CSMD1: variants seen among roughly 807,000 people sequenced by gnomAD.
CSMD1 encodes the protein CUB and sushi domain-containing protein 1.
CSMD1 carries 213 observed loss-of-function variants against 417.5 expected under a neutral mutation model. That is an observed-to-expected ratio of 0.51 (90% CI 0.46 to 0.57). The LOEUF (loss-of-function observed/expected upper bound fraction) is 0.57. CSMD1 is among the 20% of genes least tolerant of loss of function. The pLI is 0.00. For missense variants in CSMD1, 6,923 were observed against 4,529.7 expected (o/e 1.53, Z -15.17); for synonymous variants, 2,862 against 1,736.8 (o/e 1.65, Z -16.11).
At chr8:4,915,129 G>A (rs1237075773) in intron 1 of CSMD1, among the ~76,000 whole-genome samples, 10 of 151,960 alleles carry the variant, frequency 6.6e-5, no homozygotes, top group Non-Finnish European at 1.3e-4. Context: ...TGTGGTTGCC[G>A]AACGAAGAAA....
chr8:4,956,608 T>C (rs1484955260), intron 1 of CSMD1, among the ~76,000 whole-genome samples: 1 of 151,416 alleles, frequency 6.6e-6, no homozygotes, highest in South Asian at 2.1e-4. Context: ...GATATTTTTA[T>C]TTTATAAATA....
At chr8:4,655,069 T>G (rs1428542807) in intron 1 of CSMD1, among the ~76,000 whole-genome samples, 1 of 151,934 alleles carries the variant, frequency 6.6e-6, no homozygotes, top group East Asian at 1.9e-4. Flanking sequence ...TTGTAAATCA[T>G]TTGTCCATCA....
At chr8:4,291,873 C>T (rs977760736) in intron 3 of CSMD1, among the ~76,000 whole-genome samples, 1 of 152,174 alleles carries the variant, frequency 6.6e-6, no homozygotes, top group Non-Finnish European at 1.5e-5. Flanking sequence ...TAGAAGTTTC[C>T]TTTCAGGTGG....
intron 5 of CSMD1, among the ~76,000 whole-genome samples, chr8:3,935,490 C>G (rs1478895798): frequency 6.6e-6 from 1 of 152,144 alleles, no homozygotes; most frequent in Non-Finnish European, 1.5e-5. Context: ...ATTCCAATTG[C>G]ATCTACTCGT....
chr8:4,176,066 A>C (rs562699887), intron 3 of CSMD1, among the ~76,000 whole-genome samples: 2 of 152,244 alleles, frequency 1.3e-5, no homozygotes, highest in Admixed American at 6.5e-5. Flanking sequence ...AGTGTGACTT[A>C]GATGTGGAAC....
intron 3 of CSMD1, among the ~76,000 whole-genome samples, chr8:4,102,939 A>C (rs549903643): frequency 6.6e-6 from 1 of 152,316 alleles, no homozygotes; most frequent in East Asian, 1.9e-4. Flanking sequence ...CTTTAAAAAT[A>C]AGTGACAAAT....
At chr8:3,659,442 C>T (rs1563243776) in intron 7 of CSMD1, among the ~76,000 whole-genome samples, 1 of 152,172 alleles carries the variant, frequency 6.6e-6, no homozygotes, top group Admixed American at 6.5e-5. Context: ...ATCTGAGACA[C>T]TACTTAGTTT....
At chr8:3,327,021 GA>G (rs372600698) in intron 23 of CSMD1, among the ~76,000 whole-genome samples, 38 of 144,606 alleles carry the variant, frequency 2.6e-4, no homozygotes, top group East Asian at 4.0e-4. Flanking sequence ...CCACTAAAAG[GA>G]AAAAAAAAAG....
chr8:4,955,816 G>T (rs1809068320), intron 1 of CSMD1, among the ~76,000 whole-genome samples: 1 of 124,584 alleles, frequency 8.0e-6, no homozygotes, highest in Admixed American at 9.0e-5. Flanking sequence ...TGGCCAACAT[G>T]GGAATATTTA....
chr8:3,311,571 C>T (rs1414037357), intron 23 of CSMD1, among the ~76,000 whole-genome samples: 2 of 152,174 alleles, frequency 1.3e-5, no homozygotes, highest in South Asian at 4.1e-4. Context: ...TCTTACAAAA[C>T]AAGCTTTATG....
chr8:3,181,819 C>G (rs576497930), intron 36 of CSMD1, among the ~76,000 whole-genome samples: 26 of 152,162 alleles, frequency 1.7e-4, no homozygotes, highest in African/African-American at 5.3e-4. Flanking sequence ...AGTAACTAAC[C>G]GATTGGAAAG....
chr8:3,871,908 G>A (rs752195738), intron 5 of CSMD1, among the ~76,000 whole-genome samples: 2 of 152,166 alleles, frequency 1.3e-5, no homozygotes, highest in Non-Finnish European at 2.9e-5. Context: ...AAGATAAAAT[G>A]AATTAACGTA....
chr8:4,597,403 T>C (rs1383465300), intron 2 of CSMD1, among the ~76,000 whole-genome samples: 1 of 152,180 alleles, frequency 6.6e-6, no homozygotes, highest in Non-Finnish European at 1.5e-5. Flanking sequence ...CAAGGTTAAA[T>C]ATCCATCCCC....
At chr8:4,949,429 G>A (rs915442091) in intron 1 of CSMD1, among the ~76,000 whole-genome samples, 2 of 152,186 alleles carry the variant, frequency 1.3e-5, no homozygotes, top group African/African-American at 4.8e-5. Flanking sequence ...AATTATTTGA[G>A]TATGCTGTAT....
At chr8:3,918,521 CATTTTTA>C (rs1402408620) in intron 5 of CSMD1, among the ~76,000 whole-genome samples, 1 of 151,984 alleles carries the variant, frequency 6.6e-6, no homozygotes, top group Non-Finnish European at 1.5e-5. Context: ...GTTATTTGCC[CATTTTTA>C]ATTTTTAATT....
chr8:4,909,817 T>A (rs61547114), intron 1 of CSMD1, among the ~76,000 whole-genome samples: 2,346 of 152,282 alleles, frequency 0.015, 69 homozygotes, highest in African/African-American at 0.054. Context: ...CTGTCCTTCA[T>A]TTCCAGGTGG....
Position 3,241,614 on chromosome 8 carries a change from C to T in CSMD1, c.4154-11383G>A, listed in dbSNP as rs185435985. Among the ~76,000 whole-genome samples, 40 of 152,160 alleles carry T rather than the reference C, an allele frequency of 2.6e-4. No individual in the cohort carries two copies. The East Asian group carries it at 6.4e-3, about 24-fold the overall frequency. ...AGTGGGGTCCTGCACAGACGGGACA[C>T]GGTTTAGGAGGAATCCTGGGCTGCA... On this transcript the variant is annotated intron_variant, in intron 26 of 69. Transcript: ENST00000635120.
At chr8:3,385,910 G>GA (rs1285730613) in intron 18 of CSMD1, among the ~76,000 whole-genome samples, 13 of 150,338 alleles carry the variant, frequency 8.6e-5, no homozygotes, top group Admixed American at 2.0e-4. Context: ...CATATGAGAG[G>GA]AAAAAAAAAG....
chr8:4,224,808 T>G (rs1316404895), intron 3 of CSMD1, among the ~76,000 whole-genome samples: 2 of 152,214 alleles, frequency 1.3e-5, no homozygotes. Context: ...GTTCATAATA[T>G]TCCTCATCAT....
Sources: gnomAD v4.1 joint callset for allele counts (sites outside exome capture counted in the v4.1 genomes callset) on GRCh38, gnomAD v4.1.1 for gene constraint, MANE v1.5 for transcripts, NCBI Gene and HGNC (gene_info 2026-07-23, HGNC 2026-07-21) for gene names.